The following RDX variants were observed in gnomAD, a reference collection of about 807,000 sequenced individuals.
RDX encodes the protein radixin.
Under a neutral mutation model 83.7 loss-of-function variants are expected in RDX, and 32 were observed. That is an observed-to-expected ratio of 0.38 (90% CI 0.29 to 0.51). The LOEUF (loss-of-function observed/expected upper bound fraction) is 0.51. RDX is among the 20% of genes least tolerant of loss of function. RDX has a pLI of 0.87. For missense variants in RDX, 600 were observed against 689.9 expected, an observed-to-expected ratio of 0.87 and a Z score of 1.46; for synonymous variants, 229 against 222.7, an observed-to-expected ratio of 1.03 and a Z score of -0.25.
intron 15 of RDX, chr11:110,196,269 G>GA (rs1282199612): frequency 6.6e-6 from 1 of 152,234 alleles, no homozygotes; most frequent in Non-Finnish European, 1.5e-5. Flanking sequence ...GCATGACCCT[G>GA]AATGTCTTTG....
downstream of RDX, among the ~76,000 whole-genome samples, chr11:110,225,315 T>C (rs1864394905): frequency 6.6e-6 from 1 of 151,994 alleles, no homozygotes; most frequent in Non-Finnish European, 1.5e-5. Flanking sequence ...CAATTCACAA[T>C]GGGAAAAAAG....
intron 14 of RDX, among the ~76,000 whole-genome samples, chr11:110,206,438 A>C (rs1863606923): frequency 6.7e-6 from 1 of 148,630 alleles, no homozygotes; most frequent in South Asian, 2.1e-4. Flanking sequence ...CACGAATTAC[A>C]AAAAAAAAAC....
rs146175128 is a variant in RDX, at chr11:110,217,341, G to GT, written c.1748+14531dup. ...TGTATTAATTATTCTGTTTTCCAGTGTTTGTGTTTTCCTACTGGAAGTCAG... is the reference window on the plus strand; with the variant it reads ...TGTATTAATTATTCTGTTTTCCAGTGTTTTGTGTTTTCCTACTGGAAGTCAG... On this transcript the variant is annotated intron_variant, in intron 14 of 15. Transcript: ENST00000528498. Among the ~76,000 whole-genome samples the GT allele has an allele frequency of 5.0e-3, 754 of 152,286 alleles. 6 individuals are homozygous for GT. Among genetic ancestry groups the GT allele is most frequent in the African/African-American group, 0.017 (699 of 41,552 alleles).
At chr11:110,249,186 C>G (rs1200871180) in intron 9 of RDX, among the ~76,000 whole-genome samples, 1 of 152,146 alleles carries the variant, frequency 6.6e-6, no homozygotes, top group Non-Finnish European at 1.5e-5. Flanking sequence ...ATATTCAAAT[C>G]ACTACTTTAA....
rs761425561 is a variant in RDX, at chr11:110,233,371, C to T, written c.1453G>A (p.Glu485Lys). The T allele has an allele frequency of 5.6e-6, 9 of 1,613,928 alleles. No individual in the cohort carries two copies. The highest frequency in any genetic ancestry group is 2.2e-5 in the East Asian group (1 of 44,888). ...PPPVIPPTEN[E>K]HDEHDENNAE... ...TTATTCTCATCGTGTTCATCATGTT[C>T]GTTTTCTGTTGGAGGAATGACTGGT... Residue 485 changes from glutamate to lysine, a missense_variant, in exon 13 of 14, where the codon GAA becomes AAA. Physicochemically the swap from Glu to Lys is moderately conservative, Grantham distance 56. Transcript: ENST00000645495.
chr11:110,193,169 T>C (rs1863134555), intron 15 of RDX, among the ~76,000 whole-genome samples: 1 of 152,154 alleles, frequency 6.6e-6, no homozygotes, highest in African/African-American at 2.4e-5. Flanking sequence ...ATATACACCA[T>C]GGAATACTAT....
intron 3 of RDX, among the ~76,000 whole-genome samples, chr11:110,265,854 A>C (rs1354840781): frequency 6.6e-6 from 1 of 152,152 alleles, no homozygotes; most frequent in Non-Finnish European, 1.5e-5. Flanking sequence ...TGATATTCCC[A>C]TAGGACTTTA....
intron 8 of RDX, 92 bp from the exon 9 acceptor site, chr11:110,254,201 T>G (rs1859450892): frequency 1.0e-6 from 1 of 1,000,508 alleles, no homozygotes; most frequent in Non-Finnish European, 1.5e-6. Flanking sequence ...GGTATGAATT[T>G]TAATGTCATA....
intron 14 of RDX, among the ~76,000 whole-genome samples, chr11:110,209,247 G>A (rs1863724851): frequency 6.6e-6 from 1 of 152,096 alleles, no homozygotes; most frequent in South Asian, 2.1e-4. Context: ...TGGAAAATCG[G>A]GTCACTCCCA....
chr11:110,178,217 C>A (rs745542747), intron 15 of RDX, among the ~76,000 whole-genome samples: 1 of 152,206 alleles, frequency 6.6e-6, no homozygotes. Context: ...ACCTGCAGCT[C>A]TCCTGGTCTT....
At chr11:110,199,771 T>G in intron 14 of RDX, 1 of 698,936 alleles carries the variant, frequency 1.4e-6, no homozygotes, top group Non-Finnish European at 2.6e-6. Context: ...CTCAGCACAT[T>G]GCAACATCAG....
In RDX at chr11:110,271,947, G is replaced by A. The variant is rs118027562; in HGVS notation, c.96+589C>T. Among the ~76,000 whole-genome samples the A allele has an allele frequency of 3.7e-4, 56 of 152,306 alleles. No homozygotes were observed. The East Asian group carries it at 0.01, about 28-fold the overall frequency. ...GAAAGTTCCACACCTAACCTAACGT[G>A]ATGGGTCGCAGTCAAAACTCAGTAT... On this transcript the variant is annotated intron_variant, in intron 3 of 13. Coordinates refer to ENST00000645495, the MANE Select transcript of RDX (RefSeq NM_002906.4).
At chr11:110,281,990 T>C (rs1293225415) in intron 1 of RDX, among the ~76,000 whole-genome samples, 1 of 143,122 alleles carries the variant, frequency 7.0e-6, no homozygotes. Context: ...GAGCCAGGCA[T>C]GGTGATGGAA....
chr11:110,234,584 C>A (rs1012069669), intron 12 of RDX, among the ~76,000 whole-genome samples: 1 of 152,056 alleles, frequency 6.6e-6, no homozygotes, highest in East Asian at 1.9e-4. Context: ...CTTTTGTGTG[C>A]ATTTTCTAAT....
At chr11:110,186,799 C>T (rs1175558606) in intron 15 of RDX, among the ~76,000 whole-genome samples, 4 of 152,164 alleles carry the variant, frequency 2.6e-5, no homozygotes, top group Non-Finnish European at 4.4e-5. Context: ...TTCCCAGACC[C>T]GGGATCAAGA....
chr11:110,205,658 T>A, intron 14 of RDX, among the ~76,000 whole-genome samples: 1 of 152,178 alleles, frequency 6.6e-6, no homozygotes, highest in East Asian at 1.9e-4. Flanking sequence ...AATTATGTTA[T>A]ATTAGTAATT....
intron 13 of RDX, 74 bp from the exon 14 acceptor site, chr11:110,232,107 A>C: frequency 1.7e-6 from 2 of 1,166,636 alleles, no homozygotes; most frequent in Non-Finnish European, 2.5e-6. Flanking sequence ...TGGCTTTAAG[A>C]TGCAAAAATA....
intron 15 of RDX, among the ~76,000 whole-genome samples, chr11:110,196,787 A>G (rs1863222811): frequency 6.6e-6 from 1 of 152,186 alleles, no homozygotes. Context: ...CCATGACTCT[A>G]AATACACCAG....
chr11:110,211,854 T>C (rs908019184), intron 14 of RDX, among the ~76,000 whole-genome samples: 1 of 151,530 alleles, frequency 6.6e-6, no homozygotes, highest in African/African-American at 2.4e-5. Context: ...GGGAAATTTA[T>C]AGCACTAAAT....
Sources: gnomAD v4.1 joint callset for allele counts (sites outside exome capture counted in the v4.1 genomes callset) on GRCh38, gnomAD v4.1.1 for gene constraint, MANE v1.5 for transcripts, NCBI Gene and HGNC (gene_info 2026-07-23, HGNC 2026-07-21) for gene names.